Variants in ADAMTS17 observed in about 807,000 individuals in gnomAD.
ADAMTS17 encodes ADAM metallopeptidase with thrombospondin type 1 motif 17.
ADAMTS17 carries 113 observed loss-of-function variants against 141.5 expected under a neutral mutation model. The observed-to-expected ratio is 0.80, with a 90% CI of 0.69 to 0.93. The LOEUF is 0.93. Among genes scored for constraint, ADAMTS17 ranks in the 40% least tolerant of loss-of-function variants. The pLI, the probability that ADAMTS17 is intolerant of heterozygous loss-of-function variation, is 0.00. For synonymous variants in ADAMTS17, 768 were observed against 630.6 expected, an observed-to-expected ratio of 1.22 and a Z score of -3.27; for missense variants, 1,659 against 1,517.9, an observed-to-expected ratio of 1.09 and a Z score of -1.54.
intron 20 of ADAMTS17, chr15:99,979,023 C>T (rs896032468): frequency 2.0e-5 from 3 of 152,202 alleles, no homozygotes; most frequent in East Asian, 1.9e-4. Flanking sequence ...AACATCCAGG[C>T]GCAGCCCTGA....
At chr15:100,145,406 CAAG>C (rs2038854390) in intron 10 of ADAMTS17, among the ~76,000 whole-genome samples, 4 of 152,296 alleles carry the variant, frequency 2.6e-5, no homozygotes, top group African/African-American at 9.6e-5. Context: ...CAGCATCTAG[CAAG>C]TAGTAGTATT....
intron 7 of ADAMTS17, among the ~76,000 whole-genome samples, chr15:100,243,221 A>C (rs1242446143): frequency 6.6e-6 from 1 of 151,672 alleles, no homozygotes; most frequent in African/African-American, 2.4e-5. Flanking sequence ...TTGTTTATCC[A>C]CTCACCCCTC....
chr15:100,192,078 C>T (rs981611786), intron 8 of ADAMTS17, among the ~76,000 whole-genome samples: 2 of 152,106 alleles, frequency 1.3e-5, no homozygotes, highest in Admixed American at 6.5e-5. Flanking sequence ...GGAAATAAGG[C>T]CTGCACGTTT....
chr15:100,194,777 C>T (rs900827247), intron 8 of ADAMTS17, among the ~76,000 whole-genome samples: 1 of 152,188 alleles, frequency 6.6e-6, no homozygotes, highest in Admixed American at 6.5e-5. Context: ...AAGGAGAAAA[C>T]CCTGGGGCGT....
intron 8 of ADAMTS17, among the ~76,000 whole-genome samples, chr15:100,197,203 TGC>T (rs2141622396): frequency 6.6e-6 from 1 of 152,362 alleles, no homozygotes; most frequent in Admixed American, 6.5e-5. Flanking sequence ...GCGGCATGTG[TGC>T]GCCCACACGT....
chr15:100,134,788 A>T (rs149897526), intron 10 of ADAMTS17, among the ~76,000 whole-genome samples: 1 of 152,324 alleles, frequency 6.6e-6, no homozygotes, highest in South Asian at 2.1e-4. Flanking sequence ...GTCGGAGCTG[A>T]TCTGTGCCCT....
At chr15:99,994,544 C>A (rs1046371474) in intron 19 of ADAMTS17, among the ~76,000 whole-genome samples, 1 of 151,822 alleles carries the variant, frequency 6.6e-6, no homozygotes, top group African/African-American at 2.4e-5. Flanking sequence ...ACATTTATCC[C>A]AAGATATGAT....
rs538943209 is a variant in ADAMTS17, at chr15:100,162,998, G to GTA, written c.1182-7680_1182-7679dup. Among the ~76,000 whole-genome samples, 17 of 136,610 alleles carry GTA rather than the reference G, an allele frequency of 1.2e-4. No homozygotes were observed. In the South Asian group the frequency reaches 2.7e-3, roughly 22 times the overall value. The allele number at this position is 136,610 out of a possible 152,430, so 89.6% of individuals were successfully genotyped here. On this transcript the variant is annotated intron_variant, in intron 8 of 21. Coordinates refer to ENST00000268070, the MANE Select transcript of ADAMTS17 (RefSeq NM_139057.4). ...TATATGTGTATATATAACTATATAT[G>GTA]TATATATGTGTATATATAACTATAT...
intron 7 of ADAMTS17, among the ~76,000 whole-genome samples, chr15:100,216,387 C>T (rs8025628): frequency 0.36 from 54,459 of 152,090 alleles, 10,004 homozygotes; most frequent in South Asian, 0.52. Context: ...GGCTGTGAAC[C>T]TCTAAATGCT....
chr15:100,191,967 G>A (rs534749484), intron 8 of ADAMTS17, among the ~76,000 whole-genome samples: 20 of 152,134 alleles, frequency 1.3e-4, no homozygotes, highest in Non-Finnish European at 2.4e-4. Flanking sequence ...TGTGACTTAC[G>A]CATTGCATGC....
At chr15:100,076,135 C>T (rs567792850) in intron 15 of ADAMTS17, among the ~76,000 whole-genome samples, 11 of 152,218 alleles carry the variant, frequency 7.2e-5, no homozygotes, top group South Asian at 2.1e-4. Context: ...CTCCACCTTC[C>T]GGGTTCAAGC....
In ADAMTS17 at chr15:100,133,251, T is replaced by A. The variant is rs1596520335; in HGVS notation, c.1538A>T (p.Asp513Val). The change falls in exon 11 of 22, where the codon GAC (aspartate) becomes GTC (valine). Residue 513 changes from aspartate to valine, a missense_variant. Transcript: ENST00000268070. ...ACACTCGGTGCCATCCAGGGGAGGG[T>A]CCAGCTTGGTCTTGCAGGATGTGTC... The part of the protein sequence containing the change: ...EGDTSCKTKL[D>V]PPLDGTECGA... 1 of 1,598,934 alleles carries A rather than the reference T, an allele frequency of 6.3e-7. No homozygotes were observed.
intron 18 of ADAMTS17, among the ~76,000 whole-genome samples, chr15:100,035,682 T>C (rs1427409430): frequency 6.6e-6 from 1 of 152,000 alleles, no homozygotes; most frequent in Non-Finnish European, 1.5e-5. Context: ...GTCTGCGTGG[T>C]TCCAGAGGGA....
chr15:100,094,160 G>A (rs2035626800), intron 15 of ADAMTS17, among the ~76,000 whole-genome samples: 1 of 152,246 alleles, frequency 6.6e-6, no homozygotes, highest in African/African-American at 2.4e-5. Context: ...GACAGTCCAG[G>A]TAGGTGAAGC....
chr15:100,177,757 G>A (rs186912970), intron 8 of ADAMTS17, among the ~76,000 whole-genome samples: 1 of 152,256 alleles, frequency 6.6e-6, no homozygotes, highest in East Asian at 1.9e-4. Context: ...TTTTAAAATT[G>A]TGGATTCATC....
chr15:100,039,250 C>G (rs72768068), intron 18 of ADAMTS17, among the ~76,000 whole-genome samples: 225 of 152,270 alleles, frequency 1.5e-3, no homozygotes, highest in Non-Finnish European at 2.6e-3. Flanking sequence ...TCATTTATTT[C>G]TGCATGAATG....
At chr15:100,308,896 C>G (rs2045314724) in intron 3 of ADAMTS17, among the ~76,000 whole-genome samples, 1 of 152,212 alleles carries the variant, frequency 6.6e-6, no homozygotes, top group African/African-American at 2.4e-5. Context: ...AGATTCACAA[C>G]CATCAATCCC....
intron 15 of ADAMTS17, among the ~76,000 whole-genome samples, chr15:100,066,483 TTCTGA>T (rs987033809): frequency 7.2e-5 from 11 of 152,190 alleles, no homozygotes; most frequent in African/African-American, 2.7e-4. Flanking sequence ...CAGACCATTC[TTCTGA>T]TATCTTTTTT....
At chr15:100,319,253 C>T (rs2045656291) in intron 3 of ADAMTS17, among the ~76,000 whole-genome samples, 1 of 152,220 alleles carries the variant, frequency 6.6e-6, no homozygotes, top group African/African-American at 2.4e-5. Flanking sequence ...TGCTTTTCAG[C>T]AGTGACCCAA....
Sources: allele counts gnomAD v4.1 joint callset (sites outside exome capture counted in the v4.1 genomes callset), GRCh38; gene constraint gnomAD v4.1.1; transcripts MANE v1.5; gene names NCBI Gene and HGNC (gene_info 2026-07-23, HGNC 2026-07-21).